Variants in KALRN observed in about 807,000 individuals in gnomAD.
KALRN encodes the protein kalirin RhoGEF kinase.
A neutral mutation model predicts 353.7 loss-of-function variants in KALRN; 70 were observed. The ratio of observed to expected loss-of-function variants is 0.20; its 90% CI spans 0.16 to 0.24. KALRN has a LOEUF of 0.24. Ranked by LOEUF, KALRN falls within the 10% of genes least tolerant of loss-of-function variation. KALRN has a pLI of 1.00. For missense variants in KALRN, 2,791 were observed against 3,756.7 expected, an observed-to-expected ratio of 0.74 and a Z score of 6.72; for synonymous variants, 1,391 against 1,434.8, an observed-to-expected ratio of 0.97 and a Z score of 0.69.
chr3:124,254,952 A>ATAT (rs759166753), intron 3 of KALRN, among the ~76,000 whole-genome samples: 10 of 109,260 alleles, frequency 9.2e-5, no homozygotes, highest in South Asian at 3.1e-4. Context: ...ATATATATAT[A>ATAT]TTTTTTTTTT....
intron 10 of KALRN, among the ~76,000 whole-genome samples, chr3:124,351,777 T>C (rs534891841): frequency 6.6e-6 from 1 of 152,360 alleles, no homozygotes; most frequent in Admixed American, 6.5e-5. Flanking sequence ...CATTAAACTT[T>C]AACTTTTGTG....
intron 56 of KALRN, 95 bp downstream of exon 56, chr3:124,700,128 C>G (rs2062248637): frequency 8.2e-7 from 1 of 1,217,988 alleles, no homozygotes; most frequent in African/African-American, 1.5e-5. Context: ...TGTCAGGCCA[C>G]CATGCAAGAG....
intron 1 of KALRN, among the ~76,000 whole-genome samples, chr3:124,198,533 G>T (rs889532977): frequency 1.3e-5 from 2 of 152,188 alleles, no homozygotes; most frequent in Admixed American, 1.3e-4. Context: ...CCTGAGGGGA[G>T]GATAAGCTGG....
At chr3:124,566,993 G>A (rs1435934946) in intron 34 of KALRN, among the ~76,000 whole-genome samples, 1 of 152,172 alleles carries the variant, frequency 6.6e-6, no homozygotes, top group African/African-American at 2.4e-5. Context: ...GAGTGCTCAG[G>A]CCATGACTAT....
intron 6 of KALRN, among the ~76,000 whole-genome samples, chr3:124,306,795 G>A (rs894683664): frequency 7.9e-5 from 12 of 152,124 alleles, no homozygotes; most frequent in Non-Finnish European, 1.8e-4. Flanking sequence ...AAGATTAAAA[G>A]CTGATTTCTC....
chr3:124,443,419 TGCTCAGATA>T lies in KALRN; in HGVS notation c.3313+1366_3313+1374del, dbSNP rs1186718682. Among the ~76,000 whole-genome samples, 16 of 152,306 alleles carry T rather than the reference TGCTCAGATA, an allele frequency of 1.1e-4. No individual in the cohort carries two copies. The East Asian group carries it at 3.1e-3, about 29-fold the overall frequency. On this transcript the variant is annotated intron_variant, in intron 19 of 59. Coordinates refer to ENST00000682506, the MANE Select transcript of KALRN (RefSeq NM_001388419.1). ...TCTGCTTAAGAAGAGCTTCCCTCTT[TGCTCAGATA>T]GCTCAAGAGTTGGAGAGAACAGAGA...
intron 26 of KALRN, among the ~76,000 whole-genome samples, chr3:124,475,553 T>G (rs188445567): frequency 1.3e-4 from 20 of 152,346 alleles, no homozygotes; most frequent in Non-Finnish European, 8.8e-5. Flanking sequence ...AATTACCTGA[T>G]AATAACTTCC....
intron 37 of KALRN, among the ~76,000 whole-genome samples, chr3:124,638,394 C>T (rs923066044): frequency 1.3e-5 from 2 of 151,618 alleles, no homozygotes; most frequent in Non-Finnish European, 2.9e-5. Flanking sequence ...TCCTGAAAAT[C>T]GTCTATTTTC....
At chr3:124,256,111 G>C (rs1203757876) in intron 3 of KALRN, among the ~76,000 whole-genome samples, 1 of 152,190 alleles carries the variant, frequency 6.6e-6, no homozygotes, top group Non-Finnish European at 1.5e-5. Context: ...AGAATCCAGA[G>C]AGACACTCTG....
chr3:124,040,476 G>A (rs559633143), intron 1 of KALRN, among the ~76,000 whole-genome samples: 6 of 152,162 alleles, frequency 3.9e-5, no homozygotes, highest in East Asian at 1.9e-4. Context: ...TTTGCTACTG[G>A]CATCTAGTGG....
intron 50 of KALRN, among the ~76,000 whole-genome samples, chr3:124,679,085 G>GT (rs1271023602): frequency 3.3e-5 from 5 of 152,132 alleles, no homozygotes; most frequent in Non-Finnish European, 7.4e-5. Flanking sequence ...CCTTAGCAAA[G>GT]TAAGAACAAC....
intron 36 of KALRN, among the ~76,000 whole-genome samples, chr3:124,634,310 C>G (rs955347448): frequency 1.3e-5 from 2 of 152,200 alleles, no homozygotes; most frequent in Non-Finnish European, 2.9e-5. Context: ...ACTGTACAAC[C>G]TGCATGTTAG....
chr3:124,495,990 T>TATATATATATATACAC lies in KALRN; in HGVS notation c.4833-308_4833-307insCACATATATATATATA, dbSNP rs2063756028. 1.2e-4 allele frequency among the ~76,000 whole-genome samples: 7 copies of TATATATATATATACAC among 58,532 alleles called. 1 individual carries two copies. The East Asian group carries it at 2.5e-3, about 21-fold the overall frequency. The allele number at this position is 58,532 out of a possible 152,430, so 38.4% of individuals were successfully genotyped here. ...GTATATATATATATATATATATATA[T>TATATATATATATACAC]ATATATATATATATATATATATACA... is the stretch of plus-strand genomic sequence containing the variant. On this transcript the variant is annotated intron_variant, in intron 32 of 59. Coordinates refer to ENST00000682506, the MANE Select transcript of KALRN (RefSeq NM_001388419.1).
At chr3:124,229,310 T>G (rs2078910349) in intron 2 of KALRN, among the ~76,000 whole-genome samples, 1 of 152,250 alleles carries the variant, frequency 6.6e-6, no homozygotes, top group Non-Finnish European at 1.5e-5. Context: ...CAATAAGGTA[T>G]GCCAGAATCA....
At position 124,501,738 on chromosome 3, in the gene KALRN, C is replaced by T. The variant is rs139145950; in HGVS notation, c.4935+5325C>T. 9.9e-4 allele frequency among the ~76,000 whole-genome samples: 150 copies of T among 152,236 alleles called. 4 individuals are homozygous for T. The South Asian group carries it at 0.016, about 16-fold the overall frequency. ...AGGAACCACTCCCTGCACCAGGGGA[C>T]GCCTAGCCCCTGTGTTGGCATATTC... is the stretch of plus-strand genomic sequence containing the variant. On this transcript the variant is annotated intron_variant, in intron 33 of 59. Coordinates refer to ENST00000682506, the MANE Select transcript of KALRN (RefSeq NM_001388419.1).
At chr3:124,239,637 A>G (rs1476615139) in intron 3 of KALRN, among the ~76,000 whole-genome samples, 1 of 152,228 alleles carries the variant, frequency 6.6e-6, no homozygotes, top group Non-Finnish European at 1.5e-5. Context: ...ATTTCAGCAA[A>G]ACATAAGTTG....
intron 1 of KALRN, among the ~76,000 whole-genome samples, chr3:124,046,526 TG>T (rs1377816077): frequency 6.6e-6 from 1 of 152,008 alleles, no homozygotes; most frequent in Non-Finnish European, 1.5e-5. Context: ...GGAGAGTGAG[TG>T]GGAATTGCAT....
intron 1 of KALRN, among the ~76,000 whole-genome samples, chr3:124,203,328 C>G (rs2076122468): frequency 6.6e-6 from 1 of 152,108 alleles, no homozygotes; most frequent in South Asian, 2.1e-4. Flanking sequence ...CACTTCTGAC[C>G]AAGACAGGTT....
At chr3:124,587,185 G>A (rs1229506895) in intron 34 of KALRN, among the ~76,000 whole-genome samples, 1 of 152,106 alleles carries the variant, frequency 6.6e-6, no homozygotes, top group African/African-American at 2.4e-5. Flanking sequence ...TCTGGTCTTA[G>A]GGAAAATACA....
Sources: allele counts gnomAD v4.1 joint callset (sites outside exome capture counted in the v4.1 genomes callset), GRCh38; gene constraint gnomAD v4.1.1; transcripts MANE v1.5; gene names NCBI Gene and HGNC (gene_info 2026-07-23, HGNC 2026-07-21).